The following TAPBP variants were observed in gnomAD, a reference collection of about 807,000 sequenced individuals.
TAPBP encodes tapasin.
A neutral mutation model predicts 45.7 loss-of-function variants in TAPBP; 38 were observed. That is an observed-to-expected ratio of 0.83 (90% CI 0.64 to 1.09). TAPBP has a LOEUF of 1.09. TAPBP is among the 50% of genes least tolerant of loss of function. The pLI is 0.00. For missense variants in TAPBP, 513 were observed against 587.3 expected, an observed-to-expected ratio of 0.87 and a Z score of 1.31; for synonymous variants, 226 against 254.8, an observed-to-expected ratio of 0.89 and a Z score of 1.08.
rs1769528539 is a variant in TAPBP at position 33,313,519 on chromosome 6, G to A, written c.209-42C>T. The A allele has an allele frequency of 1.3e-6, 2 of 1,516,834 alleles. No homozygotes were observed. The highest frequency in any genetic ancestry group is 2.4e-5 in the East Asian group (1 of 42,514). The allele number at this position is 1,516,834 out of a possible 1,614,324, so 94.0% of individuals were successfully genotyped here. A position where few individuals can be genotyped will look rare whatever the true frequency, so the allele number is the denominator to read the frequency against. On this transcript the variant is annotated intron_variant, in intron 2 of 7. Transcript: ENST00000434618. The surrounding 1 kb of genome is among the most constrained non-coding windows in gnomAD (Gnocchi z 7.2). The stretch of plus-strand genomic sequence containing the variant: ...AAGTTGCAGCTGTAGAGTCACCGCC[G>A]GGAAAGGGGCTGGAAGGGCAGCGTT...
chr6:33,305,145 A>G lies in TAPBP; in HGVS notation c.712T>C (p.Phe238Leu), dbSNP rs1294107191. The G allele has an allele frequency of 5.6e-6, 9 of 1,614,018 alleles. No individual in the cohort carries two copies. Among genetic ancestry groups the G allele is most frequent in the Non-Finnish European group, 6.8e-6 (8 of 1,180,048 alleles). Residue 238 changes from phenylalanine to leucine, a missense_variant, in exon 4 of 8, where the codon TTT becomes CTT. Physicochemically the swap from Phe to Leu is conservative, Grantham distance 22 (BLOSUM62 0). Coordinates refer to ENST00000434618, the MANE Select transcript of TAPBP (RefSeq NM_003190.5). The surrounding 1 kb of genome is among the most constrained non-coding windows in gnomAD (Gnocchi z 4.4). ...GGCTCATCATCATCCCAAGCAGCAA[A>G]TGCCACGGCCCCTTCTTGGGCTGCT... is the stretch of plus-strand genomic sequence containing the variant. ...MPAAQEGAVAFAAWDDDEPWG... is the reference protein window; with the variant it reads ...MPAAQEGAVALAAWDDDEPWG...
chr6:33,303,471 C>A, intron 7 of TAPBP: 2 of 418,036 alleles, frequency 4.8e-6, no homozygotes, highest in Non-Finnish European at 4.3e-6. Flanking sequence ...GTATAGGAAA[C>A]ATAAATGATT....
chr6:33,306,913 G>T (rs1215271376), intron 3 of TAPBP, among the ~76,000 whole-genome samples: 1 of 151,774 alleles, frequency 6.6e-6, no homozygotes, highest in Non-Finnish European at 1.5e-5. Flanking sequence ...GGGAAGCAGA[G>T]GTTGCGGTGA....
chr6:33,312,352 G>C (rs1769407061), intron 3 of TAPBP, among the ~76,000 whole-genome samples: 1 of 152,102 alleles, frequency 6.6e-6, no homozygotes, highest in Admixed American at 6.5e-5. Flanking sequence ...GCAGGGATTG[G>C]TTGGGGTTGC....
Position 33,306,046 on chromosome 6 carries a change from A to T in TAPBP, c.470-659T>A, listed in dbSNP as rs1252128546. 3.3e-5 allele frequency among the ~76,000 whole-genome samples: 5 copies of T among 152,278 alleles called. No homozygotes were observed. The East Asian group carries it at 9.6e-4, about 29-fold the overall frequency. ...ATTAAAAGTTGATGATAATAATAGT[A>T]CCTACTTCATGAGGTTGTTGTGATG... On this transcript the variant is annotated intron_variant, in intron 3 of 7. Coordinates refer to ENST00000434618, the MANE Select transcript of TAPBP (RefSeq NM_003190.5).
Position 33,301,845 on chromosome 6 carries a change from CAT to C in TAPBP, c.1336-76_1336-75del, listed in dbSNP as rs1768611356. Reference sequence around the variant, plus strand: ...GAGGTGTACATGGTCAGTTTAGAGACATATAAACTATCATGGGCACAGATGAT... The same window carrying C: ...GAGGTGTACATGGTCAGTTTAGAGACATAAACTATCATGGGCACAGATGAT... On this transcript the variant is annotated intron_variant, in intron 7 of 7. Transcript: ENST00000434618. 3 of 1,604,786 alleles carry C rather than the reference CAT, an allele frequency of 1.9e-6. No homozygotes were observed. In the Admixed American group the frequency reaches 5.0e-5, roughly 27 times the overall value.
intron 7 of TAPBP, among the ~76,000 whole-genome samples, chr6:33,302,393 C>T (rs1284875858): frequency 2.6e-5 from 4 of 151,894 alleles, no homozygotes; most frequent in South Asian, 2.1e-4. Context: ...GGTGCGATCT[C>T]GGCTCACTGC....
intron 4 of TAPBP, 88 bp downstream of exon 4, chr6:33,304,901 C>T: frequency 6.5e-7 from 1 of 1,542,920 alleles, no homozygotes; most frequent in Non-Finnish European, 8.8e-7. Context: ...GCCCAGGCAC[C>T]CTCTTATCCA....
intron 7 of TAPBP, among the ~76,000 whole-genome samples, chr6:33,302,136 TTTTC>T (rs1421580776): frequency 6.6e-5 from 9 of 136,340 alleles, no homozygotes; most frequent in Admixed American, 3.8e-4. Flanking sequence ...ATTTATTTTC[TTTTC>T]TTTCTTTTTT....
intron 4 of TAPBP, 174 bp from the exon 5 acceptor site, chr6:33,304,812 C>T (rs976119237): frequency 7.9e-7 from 1 of 1,264,456 alleles, no homozygotes. Flanking sequence ...CATGTCAAAG[C>T]CCCTCAAATT....
In TAPBP at chr6:33,304,000, A is replaced by G; in HGVS notation, c.1301-11T>C. On this transcript the variant is annotated splice_polypyrimidine_tract_variant and intron_variant, in intron 6 of 7. Transcript: ENST00000434618. ...TGGACAGGTAGACAGCTGTGGGGAA[A>G]GATTGAGAAGGGATGGGATGCTGGA... The G allele has an allele frequency of 6.2e-7, 1 of 1,613,886 alleles. No homozygotes were observed. Among genetic ancestry groups the G allele is most frequent in the Non-Finnish European group, 8.5e-7 (1 of 1,179,974 alleles).
chr6:33,306,159 A>G (rs1403460677), intron 3 of TAPBP, among the ~76,000 whole-genome samples: 1 of 152,190 alleles, frequency 6.6e-6, no homozygotes, highest in African/African-American at 2.4e-5. Flanking sequence ...GGGTGCTTAC[A>G]ACACTGTCTG....
At position 33,301,226 on chromosome 6, in the gene TAPBP, C is replaced by T. The variant is rs1768552571; in HGVS notation, c.*534G>A. ...CCTGAGAGAAAAAAATTTTGAGAAC[C>T]ACTGTCCTAGAGCTCCAAGAAGGTG... On this transcript the variant is annotated 3_prime_UTR_variant, in exon 8 of 8. Coordinates refer to ENST00000434618, the MANE Select transcript of TAPBP (RefSeq NM_003190.5). 1 of 152,534 alleles carries T rather than the reference C, an allele frequency of 6.6e-6. No individual in the cohort carries two copies. The highest frequency in any genetic ancestry group is 2.0e-4 in the South Asian group (1 of 4,884). The allele number at this position is 152,534 out of a possible 1,614,324, so 9.4% of individuals were successfully genotyped here. A position where few individuals can be genotyped will look rare whatever the true frequency, so the allele number is the denominator to read the frequency against.
rs1035049655 is a variant in TAPBP, at chr6:33,313,826, C to G, written c.76G>C (p.Glu26Gln). 17 of 1,613,872 alleles carry G rather than the reference C, an allele frequency of 1.1e-5. No homozygotes were observed. The African/African-American group carries it at 1.6e-4, about 15-fold the overall frequency. ...CTCGCATCCTCCACGAACCAACACT[C>G]GATCACCGCGGGTCCTGCTGAGACG... ...TAVSAGPAVI[E>Q]CWFVEDASGK... Residue 26 changes from glutamate to glutamine, a missense_variant, in exon 2 of 8, where the codon GAG becomes CAG. Coordinates refer to ENST00000434618, the MANE Select transcript of TAPBP (RefSeq NM_003190.5). The surrounding 1 kb of genome is among the most constrained non-coding windows in gnomAD (Gnocchi z 7.2).
rs1424989999 is a variant in TAPBP at position 33,313,778 on chromosome 6, G to A, written c.124C>T (p.Pro42Ser). 1 of 1,613,788 alleles carries A rather than the reference G, an allele frequency of 6.2e-7. No homozygotes were observed. Among genetic ancestry groups the A allele is most frequent in the Non-Finnish European group, 8.5e-7 (1 of 1,180,020 alleles). ...CCCTGGCGCAACAGCAGTGCACCGG[G>A]TCTCTTGGCCAGGCCCTTTCCGCTC... is the stretch of plus-strand genomic sequence containing the variant. Reference protein sequence around the residue: ...DASGKGLAKRPGALLLRQGPG... With the variant: ...DASGKGLAKRSGALLLRQGPG... The change falls in exon 2 of 8, where the codon CCC becomes TCC. Residue 42 changes from proline (P) to serine (S), a missense_variant. By Grantham distance (74) the Pro-to-Ser change is moderately conservative (BLOSUM62 -1). Transcript: ENST00000434618. This position sits in a 1 kb window ranked among gnomAD's most constrained non-coding sequence, Gnocchi z 7.2.
intron 7 of TAPBP, among the ~76,000 whole-genome samples, chr6:33,302,093 T>C (rs1768627167): frequency 6.6e-6 from 1 of 152,024 alleles, no homozygotes; most frequent in Non-Finnish European, 1.5e-5. Flanking sequence ...TAAACACCTG[T>C]GTTTGAATAC....
rs1562686394 is a variant in TAPBP, at chr6:33,304,451, C to T, written c.1056G>A (p.Leu352=). Residue 352 remains leucine, a synonymous_variant, in exon 5 of 8, where the codon CTG becomes CTA. Transcript: ENST00000434618. ...TGACAGAGCCATCGGAATGGTGGCG[C>T]AGGGCCGAGAGCCACCTCTGCCCCT... The part of the protein sequence containing the change: ...KAEGQRWLSA[L]RHHSDGSVSL... 1 of 1,611,610 alleles carries T rather than the reference C, an allele frequency of 6.2e-7. No homozygotes were observed. The highest frequency in any genetic ancestry group is 8.5e-7 in the Non-Finnish European group (1 of 1,178,806).
chr6:33,307,005 C>T (rs1428239311), intron 3 of TAPBP, among the ~76,000 whole-genome samples: 3 of 141,642 alleles, frequency 2.1e-5, no homozygotes, highest in East Asian at 4.2e-4. Context: ...ATCCCAAATA[C>T]GGCCAGGCGT....
At chr6:33,308,888 G>T (rs996034921) in intron 3 of TAPBP, among the ~76,000 whole-genome samples, 1 of 152,102 alleles carries the variant, frequency 6.6e-6, no homozygotes, top group African/African-American at 2.4e-5. Flanking sequence ...TTTCACTGCT[G>T]TTTCTTCCCA....
Sources: allele counts gnomAD v4.1 joint callset (sites outside exome capture counted in the v4.1 genomes callset), GRCh38; gene constraint gnomAD v4.1.1; non-coding constraint Gnocchi (gnomAD v3.1); transcripts MANE v1.5; gene names NCBI Gene and HGNC (gene_info 2026-07-23, HGNC 2026-07-21).